NFIL3: variants seen among roughly 807,000 people sequenced by gnomAD.
The protein encoded by NFIL3 is nuclear factor interleukin-3-regulated protein.
In NFIL3, 5 loss-of-function variants were observed where a neutral mutation model predicts 10.0. The observed-to-expected ratio is 0.50, with a 90% CI of 0.26 to 1.06. The LOEUF (loss-of-function observed/expected upper bound fraction) is 1.06, where lower values mean the gene tolerates loss of function less well. Ranked by LOEUF, NFIL3 falls within the 50% of genes least tolerant of loss-of-function variation. NFIL3 has a pLI of 0.13. For missense variants in NFIL3, 436 were observed against 547.6 expected (o/e 0.80, Z 2.03); for synonymous variants, 202 against 206.5 (o/e 0.98, Z 0.19).
chr9:91,421,980 CA>C (rs1475522766), intron 1 of NFIL3, among the ~76,000 whole-genome samples: 1 of 152,034 alleles, frequency 6.6e-6, no homozygotes, highest in African/African-American at 2.4e-5. Context: ...GGTATCCAGA[CA>C]AAAAAACAAT....
the NFIL3 span, among the ~76,000 whole-genome samples, chr9:91,429,049 G>A: frequency 2.0e-5 from 3 of 152,354 alleles, no homozygotes; most frequent in South Asian, 6.2e-4. Context: ...GCAGGGCTAT[G>A]AGTATATGAA....
chr9:91,443,612 G>A, the NFIL3 span, among the ~76,000 whole-genome samples: 5 of 152,218 alleles, frequency 3.3e-5, no homozygotes, highest in African/African-American at 9.6e-5. Context: ...CCCTGGGCTC[G>A]ACCACGACTT....
chr9:91,467,377 T>A, the NFIL3 span, among the ~76,000 whole-genome samples: 1 of 152,150 alleles, frequency 6.6e-6, no homozygotes, highest in Non-Finnish European at 1.5e-5. Flanking sequence ...AGAGGGGTGC[T>A]AATATAAATG....
the NFIL3 span, among the ~76,000 whole-genome samples, chr9:91,449,585 T>A: frequency 6.6e-6 from 1 of 152,168 alleles, no homozygotes; most frequent in Non-Finnish European, 1.5e-5. Flanking sequence ...ATTTTTTTAA[T>A]GTGCCATTCA....
At chr9:91,474,229 T>A in the NFIL3 span, among the ~76,000 whole-genome samples, 1 of 152,094 alleles carries the variant, frequency 6.6e-6, no homozygotes, top group Non-Finnish European at 1.5e-5. Context: ...CTTTAATGTG[T>A]TGATATGAGG....
At chr9:91,472,346 A>C in the NFIL3 span, among the ~76,000 whole-genome samples, 1 of 152,194 alleles carries the variant, frequency 6.6e-6, no homozygotes, top group African/African-American at 2.4e-5. Context: ...TACACCAATC[A>C]GATGTAGATT....
chr9:91,418,448 G>A (rs7026091), intron 1 of NFIL3, among the ~76,000 whole-genome samples: 1,827 of 152,222 alleles, frequency 0.012, 37 homozygotes, highest in African/African-American at 0.042. Flanking sequence ...GTGGGCTAAG[G>A]GGACAGTCAG....
the NFIL3 span, among the ~76,000 whole-genome samples, chr9:91,466,196 G>A: frequency 6.6e-6 from 1 of 152,090 alleles, no homozygotes; most frequent in African/African-American, 2.4e-5. Flanking sequence ...GATATGTTAG[G>A]ACATCTCTTA....
upstream of NFIL3, among the ~76,000 whole-genome samples, chr9:91,427,501 G>T (rs1587971707): frequency 6.6e-6 from 1 of 152,296 alleles, no homozygotes; most frequent in East Asian, 1.9e-4. Context: ...CTGCATCAGG[G>T]CTCCTGTGTG....
the NFIL3 span, among the ~76,000 whole-genome samples, chr9:91,471,121 G>A: frequency 6.6e-6 from 1 of 152,146 alleles, no homozygotes. Flanking sequence ...ACAGTGGGGT[G>A]TTAAAGTCTC....
At chr9:91,478,872 T>C in the NFIL3 span, among the ~76,000 whole-genome samples, 1 of 152,230 alleles carries the variant, frequency 6.6e-6, no homozygotes, top group African/African-American at 2.4e-5. Flanking sequence ...TCCTTTCTGT[T>C]TGTTAGTTTT....
the NFIL3 span, among the ~76,000 whole-genome samples, chr9:91,433,524 A>T: frequency 6.6e-6 from 1 of 152,244 alleles, no homozygotes; most frequent in African/African-American, 2.4e-5. Flanking sequence ...CATTCTGGCC[A>T]AACGGGCATA....
At chr9:91,469,896 G>A in the NFIL3 span, among the ~76,000 whole-genome samples, 2 of 151,770 alleles carry the variant, frequency 1.3e-5, no homozygotes, top group Non-Finnish European at 2.9e-5. Context: ...TGATCATGGT[G>A]GATAAGCTTT....
At chr9:91,434,192 A>G in the NFIL3 span, among the ~76,000 whole-genome samples, 1 of 152,184 alleles carries the variant, frequency 6.6e-6, no homozygotes, top group Non-Finnish European at 1.5e-5. Context: ...AGGCATGAGG[A>G]TCACTGGAGA....
chr9:91,416,685 A>C (rs1466251230), intron 1 of NFIL3, among the ~76,000 whole-genome samples: 1 of 152,218 alleles, frequency 6.6e-6, no homozygotes, highest in East Asian at 1.9e-4. Flanking sequence ...ACCAGTTGAC[A>C]TATTTTTCCA....
chr9:91,434,631 T>A, the NFIL3 span, among the ~76,000 whole-genome samples: 1 of 152,100 alleles, frequency 6.6e-6, no homozygotes, highest in Non-Finnish European at 1.5e-5. Context: ...AGACAAAAAA[T>A]TTGAGAAAAT....
chr9:91,424,337 G>T (rs151016904), upstream of NFIL3, among the ~76,000 whole-genome samples: 5 of 152,174 alleles, frequency 3.3e-5, no homozygotes, highest in Non-Finnish European at 7.4e-5. Flanking sequence ...AGCACTGCGG[G>T]TTGCGGCTAC....
the NFIL3 span, among the ~76,000 whole-genome samples, chr9:91,467,212 ATG>A: frequency 6.6e-6 from 1 of 151,710 alleles, no homozygotes; most frequent in Non-Finnish European, 1.5e-5. Context: ...TACAACTTAA[ATG>A]TGTGTGTGTA....
chr9:91,466,376 T>C, the NFIL3 span, among the ~76,000 whole-genome samples: 1 of 152,082 alleles, frequency 6.6e-6, no homozygotes, highest in East Asian at 1.9e-4. Context: ...AAATACAGAA[T>C]GGTAGTGGAT....
Sources: allele counts gnomAD v4.1 joint callset (sites outside exome capture counted in the v4.1 genomes callset), GRCh38; gene constraint gnomAD v4.1.1; transcripts MANE v1.5; gene names NCBI Gene and HGNC (gene_info 2026-07-23, HGNC 2026-07-21).